ZSCAN18: variants seen among roughly 807,000 people sequenced by gnomAD.
ZSCAN18 encodes zinc finger and SCAN domain containing 18, also known as zinc finger and SCAN domain-containing protein 18.
ZSCAN18 carries 16 observed loss-of-function variants against 31.1 expected under a neutral mutation model. The observed-to-expected ratio is 0.51, with a 90% CI of 0.35 to 0.78. The LOEUF (loss-of-function observed/expected upper bound fraction) is 0.78. Among genes scored for constraint, ZSCAN18 ranks in the 30% least tolerant of loss-of-function variants. The pLI, the probability that ZSCAN18 is intolerant of heterozygous loss-of-function variation, is 0.01. For missense variants in ZSCAN18, 731 were observed against 697.4 expected, an observed-to-expected ratio of 1.05 and a Z score of -0.54; for synonymous variants, 375 against 320.7, an observed-to-expected ratio of 1.17 and a Z score of -1.81.
chr19:58,111,986 T>C (rs2074686791), intron 1 of ZSCAN18, among the ~76,000 whole-genome samples: 1 of 152,186 alleles, frequency 6.6e-6, no homozygotes. Context: ...TTAAAAGCAT[T>C]GGACAAAATT....
chr19:58,117,048 C>T (rs2074736010), intron 1 of ZSCAN18, among the ~76,000 whole-genome samples: 2 of 151,594 alleles, frequency 1.3e-5, no homozygotes, highest in African/African-American at 2.4e-5. Flanking sequence ...CTTTAGGGGA[C>T]ATGTGAGATC....
chr19:58,097,660 TCCTCACAC>T (rs1466027656), intron 1 of ZSCAN18, among the ~76,000 whole-genome samples: 1 of 126,846 alleles, frequency 7.9e-6, no homozygotes, highest in African/African-American at 3.0e-5. Flanking sequence ...CACCCTCACA[TCCTCACAC>T]CCTCAGCCCC....
upstream of ZSCAN18, among the ~76,000 whole-genome samples, chr19:58,099,963 TG>T (rs1039168028): frequency 3.0e-4 from 27 of 89,274 alleles, no homozygotes; most frequent in African/African-American, 8.0e-4. Flanking sequence ...TTGAAAGCTA[TG>T]TTTTTTTTTT....
At chr19:58,089,490 G>A (rs1402150583) in intron 2 of ZSCAN18, among the ~76,000 whole-genome samples, 1 of 151,900 alleles carries the variant, frequency 6.6e-6, no homozygotes, top group Non-Finnish European at 1.5e-5. Flanking sequence ...GCTGGGCATC[G>A]TGGCAGGCGC....
intron 1 of ZSCAN18, among the ~76,000 whole-genome samples, chr19:58,112,847 A>C (rs2074696747): frequency 6.8e-6 from 1 of 147,506 alleles, no homozygotes. Context: ...GCTACTCGGG[A>C]GGCTGAAGCA....
rs1232681167 is a variant in ZSCAN18 at position 58,085,166 on chromosome 19, C to CT, written c.1051dup (p.Arg351LysfsTer37). On this transcript the variant is annotated frameshift_variant, in exon 7 of 7. Transcript: ENST00000601144. LOFTEE classifies it low-confidence loss of function (END_TRUNC). The stretch of plus-strand genomic sequence containing the variant: ...GGCAGGCTGCTGGATGACGGACTGC[C>CT]TCTGCGATCCGGTGGCAGAGTCGGA... 8.7e-6 allele frequency: 14 copies of CT among 1,610,806 alleles called. No individual in the cohort carries two copies. The highest frequency in any genetic ancestry group is 1.2e-5 in the Non-Finnish European group (14 of 1,179,414).
rs1235857552 is a variant in ZSCAN18 at position 58,084,443 on chromosome 19, C to T, written c.*242G>A. ...GGCTGCAGGAAAGCCGAGTCTTCTT[C>T]CACATCCGGCGGCTCCCCTCGGATG... On this transcript the variant is annotated 3_prime_UTR_variant, in exon 7 of 7. Coordinates refer to ENST00000601144, the MANE Select transcript of ZSCAN18 (RefSeq NM_001145543.2). This position sits in a 1 kb window ranked among gnomAD's most constrained non-coding sequence, Gnocchi z 4.5. 1.6e-5 allele frequency: 7 copies of T among 440,014 alleles called. No individual in the cohort carries two copies. The highest frequency in any genetic ancestry group is 6.3e-5 in the South Asian group (1 of 15,938). The allele number at this position is 440,014 out of a possible 1,614,324, so 27.3% of individuals were successfully genotyped here.
chr19:58,086,897 G>A lies in ZSCAN18; in HGVS notation c.745+9C>T, dbSNP rs765180684. The A allele has an allele frequency of 3.1e-5, 50 of 1,611,100 alleles. No individual in the cohort carries two copies. The highest frequency in any genetic ancestry group is 1.7e-4 in the Middle Eastern group (1 of 5,788). ...AGTGGGGCGTGACCCCGAGGCAGGCGACTCTCACCCCACAGGAGCAGCTTC... is the reference window on the plus strand; with the variant it reads ...AGTGGGGCGTGACCCCGAGGCAGGCAACTCTCACCCCACAGGAGCAGCTTC... On this transcript the variant is annotated intron_variant, in intron 5 of 6. Coordinates refer to ENST00000601144, the MANE Select transcript of ZSCAN18 (RefSeq NM_001145543.2).
In ZSCAN18 at chr19:58,084,557, G is replaced by T; in HGVS notation, c.*128C>A. The stretch of plus-strand genomic sequence containing the variant: ...GCGCTTAGCCTCAGGAGCGGATTCA[G>T]GGCACAGGCAGAGGACGTCCACAAA... On this transcript the variant is annotated 3_prime_UTR_variant, in exon 7 of 7. Coordinates refer to ENST00000601144, the MANE Select transcript of ZSCAN18 (RefSeq NM_001145543.2). The surrounding 1 kb of genome is among the most constrained non-coding windows in gnomAD (Gnocchi z 4.5). 1.0e-6 allele frequency: 1 copy of T among 955,644 alleles called. No homozygotes were observed. Among genetic ancestry groups the T allele is most frequent in the Non-Finnish European group, 1.5e-6 (1 of 687,298 alleles). The allele number at this position is 955,644 out of a possible 1,614,324, so 59.2% of individuals were successfully genotyped here.
intron 1 of ZSCAN18, chr19:58,107,769 C>T (rs1424321683): frequency 1.0e-6 from 1 of 991,674 alleles, no homozygotes. Context: ...AGGTCTCAGT[C>T]CAATGTGTCA....
intron 1 of ZSCAN18, among the ~76,000 whole-genome samples, chr19:58,091,502 C>T (rs1014793206): frequency 1.9e-5 from 2 of 104,508 alleles, no homozygotes; most frequent in Non-Finnish European, 3.6e-5. Flanking sequence ...CAGAACCAGG[C>T]GGGAGGGGCA....
chr19:58,088,526 T>G, intron 3 of ZSCAN18, 162 bp downstream of exon 3: 1 of 638,940 alleles, frequency 1.6e-6, no homozygotes, highest in East Asian at 2.7e-5. Context: ...TAATAAACAA[T>G]GTCTAACATT....
chr19:58,095,367 G>A (rs2074500784), intron 1 of ZSCAN18, among the ~76,000 whole-genome samples: 1 of 152,204 alleles, frequency 6.6e-6, no homozygotes, highest in South Asian at 2.1e-4. Flanking sequence ...GGAACCACAT[G>A]CAGCCCCAAG....
intron 1 of ZSCAN18, chr19:58,107,946 G>A: frequency 9.3e-7 from 1 of 1,072,074 alleles, no homozygotes. Context: ...ACCAGTATGA[G>A]TCCTCTGGTG....
intron 1 of ZSCAN18, among the ~76,000 whole-genome samples, chr19:58,103,883 A>C (rs1246785043): frequency 2.6e-5 from 4 of 152,220 alleles, no homozygotes; most frequent in Non-Finnish European, 2.9e-5. Flanking sequence ...GGAAATGAAA[A>C]GTGTGACTCC....
chr19:58,090,639 G>T lies in ZSCAN18; in HGVS notation c.-119-253C>A. ...GAGTCACCCTCTGTCACCCAAGCTG[G>T]AGTGCAGTGGCGCAATCTCGGCTCA... On this transcript the variant is annotated intron_variant, in intron 1 of 6. Transcript: ENST00000601144. This position sits in a 1 kb window ranked among gnomAD's most constrained non-coding sequence, Gnocchi z 4.7. 1 of 368,192 alleles carries T rather than the reference G, an allele frequency of 2.7e-6. No homozygotes were observed. Among genetic ancestry groups the T allele is most frequent in the Non-Finnish European group, 4.9e-6 (1 of 205,242 alleles). 22.8% of individuals were successfully genotyped at this position (368,192 alleles called of 1,614,324 possible).
chr19:58,106,074 C>A (rs1055675847), intron 1 of ZSCAN18, among the ~76,000 whole-genome samples: 1 of 152,124 alleles, frequency 6.6e-6, no homozygotes, highest in Admixed American at 6.5e-5. Flanking sequence ...AATTAAAAAC[C>A]TTCTGGAAAT....
Position 58,084,479 on chromosome 19 carries a change from C to T in ZSCAN18, c.*206G>A. 1 of 498,508 alleles carries T rather than the reference C, an allele frequency of 2.0e-6. No homozygotes were observed. The highest frequency in any genetic ancestry group is 3.4e-5 in the East Asian group (1 of 29,130). 30.9% of individuals were successfully genotyped at this position (498,508 alleles called of 1,614,324 possible). A position where few individuals can be genotyped will look rare whatever the true frequency, so the allele number is the denominator to read the frequency against. Reference sequence around the variant, plus strand: ...GGCTCCCCTCGGATGCGAGCGCTGGCCCAGGGTGTGTTTACAGAGGTGAGG... The same window carrying T: ...GGCTCCCCTCGGATGCGAGCGCTGGTCCAGGGTGTGTTTACAGAGGTGAGG... On this transcript the variant is annotated 3_prime_UTR_variant, in exon 7 of 7. Coordinates refer to ENST00000601144, the MANE Select transcript of ZSCAN18 (RefSeq NM_001145543.2). This position sits in a 1 kb window ranked among gnomAD's most constrained non-coding sequence, Gnocchi z 4.5.
At chr19:58,091,834 T>C (rs1311963626) in intron 1 of ZSCAN18, among the ~76,000 whole-genome samples, 1 of 152,044 alleles carries the variant, frequency 6.6e-6, no homozygotes. Flanking sequence ...CGCCTGGGTC[T>C]GAAGGTCCAC....
Sources: gnomAD v4.1 joint callset for allele counts (sites outside exome capture counted in the v4.1 genomes callset) on GRCh38, gnomAD v4.1.1 for gene constraint, Gnocchi (gnomAD v3.1) non-coding constraint, MANE v1.5 for transcripts, NCBI Gene and HGNC (gene_info 2026-07-23, HGNC 2026-07-21) for gene names.